DCUN1D5: variants seen among roughly 807,000 people sequenced by gnomAD.
The protein encoded by DCUN1D5 is DCN1-like protein 5.
A neutral mutation model predicts 38.3 loss-of-function variants in DCUN1D5; 10 were observed. The observed-to-expected ratio is 0.26, with a 90% confidence interval of 0.16 to 0.44. The LOEUF (loss-of-function observed/expected upper bound fraction) is 0.44. DCUN1D5 is among the 20% of genes least tolerant of loss of function. DCUN1D5 has a pLI of 1.00. For synonymous variants in DCUN1D5, 93 were observed against 90.9 expected (o/e 1.02, Z -0.13); for missense variants, 148 against 275.3 (o/e 0.54, Z 3.27).
Position 103,071,101 on chromosome 11 carries a change from G to GA in DCUN1D5, c.342-4535dup, listed in dbSNP as rs1264583936. Among the ~76,000 whole-genome samples the GA allele has an allele frequency of 6.6e-6, 1 of 151,722 alleles. No individual in the cohort carries two copies. Among genetic ancestry groups the GA allele is most frequent in the Non-Finnish European group, 1.5e-5 (1 of 67,852 alleles). On this transcript the variant is annotated intron_variant, in intron 4 of 7. Transcript: ENST00000260247. This position sits in a 1 kb window ranked among gnomAD's most constrained non-coding sequence, Gnocchi z 4.1. Reference sequence around the variant, plus strand: ...TTTATAGTGCTAAATACACACATTAGAAAAAAGAAAAAGCCTTAATCAACA... The same window carrying GA: ...TTTATAGTGCTAAATACACACATTAGAAAAAAAGAAAAAGCCTTAATCAACA...
At position 103,052,399 on chromosome 11, in the gene DCUN1D5, A is replaced by G. The variant is rs868743216; in HGVS notation, c.*9960T>C. On this transcript the variant is annotated 3_prime_UTR_variant, in exon 8 of 8. Coordinates refer to ENST00000260247, the MANE Select transcript of DCUN1D5 (RefSeq NM_032299.4). ...AGTCTAGGATCAAAGAGAGACGTGA[A>G]TTTTTTCATTCATTAAATACCTATT... 1 of 152,136 alleles carries G rather than the reference A, an allele frequency of 6.6e-6. No homozygotes were observed. The highest frequency in any genetic ancestry group is 1.5e-5 in the Non-Finnish European group (1 of 68,002). 9.4% of individuals were successfully genotyped at this position (152,136 alleles called of 1,614,324 possible). A position where few individuals can be genotyped will look rare whatever the true frequency, so the allele number is the denominator to read the frequency against.
chr11:103,074,679 C>T lies in DCUN1D5; in HGVS notation c.341+8069G>A, dbSNP rs184577490. On this transcript the variant is annotated intron_variant, in intron 4 of 7. Coordinates refer to ENST00000260247, the MANE Select transcript of DCUN1D5 (RefSeq NM_032299.4). ...TCAGCCTCCCAAAGTGCTGGGATTACAGGCGTGAGCCACCATGCCCAGGAG... is the reference window on the plus strand; with the variant it reads ...TCAGCCTCCCAAAGTGCTGGGATTATAGGCGTGAGCCACCATGCCCAGGAG... Among the ~76,000 whole-genome samples, 13 of 152,338 alleles carry T rather than the reference C, an allele frequency of 8.5e-5. No individual in the cohort carries two copies. In the East Asian group the frequency reaches 1.2e-3, roughly 14 times the overall value.
At position 103,087,642 on chromosome 11, in the gene DCUN1D5, C is replaced by G. The variant is rs1420683721; in HGVS notation, c.178+1585G>C. Among the ~76,000 whole-genome samples the G allele has an allele frequency of 3.3e-5, 5 of 152,100 alleles. No individual in the cohort carries two copies. Among genetic ancestry groups the G allele is most frequent in the Admixed American group, 6.6e-5 (1 of 15,260 alleles). On this transcript the variant is annotated intron_variant, in intron 2 of 7. Coordinates refer to ENST00000260247, the MANE Select transcript of DCUN1D5 (RefSeq NM_032299.4). The surrounding 1 kb of genome is among the most constrained non-coding windows in gnomAD (Gnocchi z 4.1). ...TCCAGCGTGGGCGACACAGTGAGACCCTGTCTCAAAAAATAAAGTCGTAGT... is the reference window on the plus strand; with the variant it reads ...TCCAGCGTGGGCGACACAGTGAGACGCTGTCTCAAAAAATAAAGTCGTAGT...
chr11:103,092,125 G>A lies in DCUN1D5; in HGVS notation c.-253C>T, dbSNP rs1862890974. On this transcript the variant is annotated 5_prime_UTR_variant, in exon 1 of 8. Transcript: ENST00000260247. ...TTCGTTCTCACCGGGAGGAGATAAC[G>A]CGGACAGCGCGGCAGCTCCACCAGT... The A allele has an allele frequency of 6.6e-6, 3 of 451,714 alleles. No individual in the cohort carries two copies. In the East Asian group the frequency reaches 1.2e-4, roughly 18 times the overall value. The allele number at this position is 451,714 out of a possible 1,614,324, so 28.0% of individuals were successfully genotyped here.
chr11:103,072,935 C>A (rs183633447), intron 4 of DCUN1D5, among the ~76,000 whole-genome samples: 32 of 152,112 alleles, frequency 2.1e-4, no homozygotes, highest in Admixed American at 4.6e-4. Context: ...ATATATAGAT[C>A]AGAAAAGAGA....
In DCUN1D5 at chr11:103,092,005, G is replaced by A. The variant is rs1165652403; in HGVS notation, c.-133C>T. 10 of 811,456 alleles carry A rather than the reference G, an allele frequency of 1.2e-5. No individual in the cohort carries two copies. The highest frequency in any genetic ancestry group is 3.1e-5 in the Admixed American group (1 of 32,546). The allele number at this position is 811,456 out of a possible 1,614,324, so 50.3% of individuals were successfully genotyped here. ...AGGAGCAGAGTCGCCAGCCCGCACC[G>A]GCGCGGCCCAGCCCGGCCGCCGCCC... On this transcript the variant is annotated 5_prime_UTR_variant, in exon 1 of 8. Transcript: ENST00000260247.
rs968070674 is a variant in DCUN1D5, at chr11:103,089,136, G to C, written c.178+91C>G. On this transcript the variant is annotated intron_variant, in intron 2 of 7. Transcript: ENST00000260247. ...TCCCAGTACACAGCACTAACACATA[G>C]CAGGCCTGTAACAGATAATTTGTTA... The C allele has an allele frequency of 1.4e-5, 18 of 1,279,658 alleles. No homozygotes were observed. The African/African-American group carries it at 2.4e-4, about 17-fold the overall frequency. 79.3% of individuals were successfully genotyped at this position (1,279,658 alleles called of 1,614,324 possible).
rs1339787869 is a variant in DCUN1D5 at position 103,065,564 on chromosome 11, CAAGA to C, written c.555+701_555+704del. On this transcript the variant is annotated intron_variant, in intron 6 of 7. Coordinates refer to ENST00000260247, the MANE Select transcript of DCUN1D5 (RefSeq NM_032299.4). This position sits in a 1 kb window ranked among gnomAD's most constrained non-coding sequence, Gnocchi z 4.6. ...TTCCAAAGGAAAAAGCATCTGTATT[CAAGA>C]TATGGTGAGAACTATACCAATAACC... is the stretch of plus-strand genomic sequence containing the variant. Among the ~76,000 whole-genome samples, 1 of 151,388 alleles carries C rather than the reference CAAGA, an allele frequency of 6.6e-6. No individual in the cohort carries two copies. The highest frequency in any genetic ancestry group is 1.5e-5 in the Non-Finnish European group (1 of 67,846).
rs1054245929 is a variant in DCUN1D5 at position 103,086,767 on chromosome 11, C to T, written c.178+2460G>A. 1.3e-5 allele frequency among the ~76,000 whole-genome samples: 2 copies of T among 151,866 alleles called. No homozygotes were observed. Among genetic ancestry groups the T allele is most frequent in the African/African-American group, 2.4e-5 (1 of 41,294 alleles). ...TGCTCAATATTTATTGAATGGATGA[C>T]AGAAATTAACCAAGAGTACCAATAT... On this transcript the variant is annotated intron_variant, in intron 2 of 7. Coordinates refer to ENST00000260247, the MANE Select transcript of DCUN1D5 (RefSeq NM_032299.4). The surrounding 1 kb of genome is among the most constrained non-coding windows in gnomAD (Gnocchi z 4.1).
In DCUN1D5 at chr11:103,062,419, A is replaced by G; in HGVS notation, c.659-5T>C. The G allele has an allele frequency of 6.2e-7, 1 of 1,609,946 alleles. No homozygotes were observed. Among genetic ancestry groups the G allele is most frequent in the Non-Finnish European group, 8.5e-7 (1 of 1,178,592 alleles). On this transcript the variant is annotated splice_region_variant and splice_polypyrimidine_tract_variant and intron_variant, in intron 7 of 7. Transcript: ENST00000260247. This position sits in a 1 kb window ranked among gnomAD's most constrained non-coding sequence, Gnocchi z 4.6. ...ATTCATCAAGAAGAACAGGCCCTAGAAAAAAAGAAACCATTTTTGTCAGAA... is the reference window on the plus strand; with the variant it reads ...ATTCATCAAGAAGAACAGGCCCTAGGAAAAAAGAAACCATTTTTGTCAGAA...
At position 103,062,493 on chromosome 11, in the gene DCUN1D5, T is replaced by C. The variant is rs1025398446; in HGVS notation, c.659-79A>G. Reference sequence around the variant, plus strand: ...TATAAAACAAACTCCCCACGAGCTCTGCAATGACAGAGGAATGACCCTTCC... The same window carrying C: ...TATAAAACAAACTCCCCACGAGCTCCGCAATGACAGAGGAATGACCCTTCC... On this transcript the variant is annotated intron_variant, in intron 7 of 7. Coordinates refer to ENST00000260247, the MANE Select transcript of DCUN1D5 (RefSeq NM_032299.4). This position sits in a 1 kb window ranked among gnomAD's most constrained non-coding sequence, Gnocchi z 4.6. 8.2e-7 allele frequency: 1 copy of C among 1,215,274 alleles called. No homozygotes were observed. The highest frequency in any genetic ancestry group is 1.9e-5 in the Admixed American group (1 of 52,094). 75.3% of individuals were successfully genotyped at this position (1,215,274 alleles called of 1,614,324 possible). A position where few individuals can be genotyped will look rare whatever the true frequency, so the allele number is the denominator to read the frequency against.
In DCUN1D5 at chr11:103,055,824, G is replaced by T. The variant is rs1323384773; in HGVS notation, c.*6535C>A. The T allele has an allele frequency of 6.6e-6, 1 of 152,054 alleles. No individual in the cohort carries two copies. Among genetic ancestry groups the T allele is most frequent in the Non-Finnish European group, 1.5e-5 (1 of 68,004 alleles). 9.4% of individuals were successfully genotyped at this position (152,054 alleles called of 1,614,324 possible). ...CCAGCCCAGACCTCTACTTTTCCAG[G>T]TTCAAATATCCAACTGCCCACTCTA... On this transcript the variant is annotated 3_prime_UTR_variant, in exon 8 of 8. Transcript: ENST00000260247.
rs1308498930 is a variant in DCUN1D5, at chr11:103,087,081, T to C, written c.178+2146A>G. 6.6e-6 allele frequency among the ~76,000 whole-genome samples: 1 copy of C among 151,804 alleles called. No homozygotes were observed. Among genetic ancestry groups the C allele is most frequent in the Non-Finnish European group, 1.5e-5 (1 of 67,960 alleles). On this transcript the variant is annotated intron_variant, in intron 2 of 7. Coordinates refer to ENST00000260247, the MANE Select transcript of DCUN1D5 (RefSeq NM_032299.4). The surrounding 1 kb of genome is among the most constrained non-coding windows in gnomAD (Gnocchi z 4.1). ...CAGCTCATGCCTGTAATCCCACCAC[T>C]CTGGGAAGCTGAGGCAATTAGATCA...
Position 103,056,497 on chromosome 11 carries a change from C to T in DCUN1D5, c.*5862G>A, listed in dbSNP as rs570769853. On this transcript the variant is annotated 3_prime_UTR_variant, in exon 8 of 8. Coordinates refer to ENST00000260247, the MANE Select transcript of DCUN1D5 (RefSeq NM_032299.4). The surrounding 1 kb of genome is among the most constrained non-coding windows in gnomAD (Gnocchi z 4.9). Reference sequence around the variant, plus strand: ...ATGTCACATATCAGTGTACATGCTACTTAATAGTAATCCTATCCTCACACA... The same window carrying T: ...ATGTCACATATCAGTGTACATGCTATTTAATAGTAATCCTATCCTCACACA... Among the ~76,000 whole-genome samples the T allele has an allele frequency of 6.6e-6, 1 of 152,268 alleles. No homozygotes were observed. Among genetic ancestry groups the T allele is most frequent in the East Asian group, 1.9e-4 (1 of 5,176 alleles).
intron 4 of DCUN1D5, among the ~76,000 whole-genome samples, chr11:103,072,356 C>G (rs1414304115): frequency 6.6e-6 from 1 of 151,390 alleles, no homozygotes. Flanking sequence ...AGATCTAGAT[C>G]TAGATCTAGA....
At chr11:103,085,518 T>C (rs1430944825) in intron 2 of DCUN1D5, among the ~76,000 whole-genome samples, 4 of 152,150 alleles carry the variant, frequency 2.6e-5, no homozygotes, top group African/African-American at 4.8e-5. Context: ...CTAATTAAAA[T>C]TTGGTTAGAA....
intron 4 of DCUN1D5, among the ~76,000 whole-genome samples, chr11:103,072,932 G>A (rs1862317343): frequency 1.3e-5 from 2 of 152,076 alleles, no homozygotes; most frequent in African/African-American, 4.8e-5. Context: ...AAGATATATA[G>A]ATCAGAAAAG....
In DCUN1D5 at chr11:103,065,856, A is replaced by T. The variant is rs977953263; in HGVS notation, c.555+413T>A. Among the ~76,000 whole-genome samples the T allele has an allele frequency of 6.6e-6, 1 of 152,140 alleles. No individual in the cohort carries two copies. Among genetic ancestry groups the T allele is most frequent in the South Asian group, 2.1e-4 (1 of 4,812 alleles). On this transcript the variant is annotated intron_variant, in intron 6 of 7. Coordinates refer to ENST00000260247, the MANE Select transcript of DCUN1D5 (RefSeq NM_032299.4). This position sits in a 1 kb window ranked among gnomAD's most constrained non-coding sequence, Gnocchi z 4.6. ...TTAGATTGAGCCTAAGTAGAAAAGG[A>T]AAGTTTTATTACTAAATTGGTTCTC...
intron 4 of DCUN1D5, 93 bp downstream of exon 4, chr11:103,082,655 G>A: frequency 1.2e-6 from 1 of 833,372 alleles, no homozygotes; most frequent in Non-Finnish European, 1.9e-6. Flanking sequence ...TTGATTTAAG[G>A]TGAAACCTTA....
Sources: gnomAD v4.1 joint callset for allele counts (sites outside exome capture counted in the v4.1 genomes callset) on GRCh38, gnomAD v4.1.1 for gene constraint, Gnocchi (gnomAD v3.1) non-coding constraint, MANE v1.5 for transcripts, NCBI Gene and HGNC (gene_info 2026-07-23, HGNC 2026-07-21) for gene names.